Variants in NOTCH2 observed in about 807,000 individuals in gnomAD.
NOTCH2 encodes the protein neurogenic locus notch homolog protein 2.
NOTCH2 carries 29 observed loss-of-function variants against 235.8 expected under a neutral mutation model. The observed-to-expected ratio is 0.12, with a 90% CI of 0.09 to 0.17. The LOEUF (loss-of-function observed/expected upper bound fraction) is 0.17. Ranked by LOEUF, NOTCH2 falls within the 10% of genes least tolerant of loss-of-function variation. The pLI is 1.00. For synonymous variants in NOTCH2, 1,086 were observed against 1,141.5 expected (o/e 0.95, Z 0.98); for missense variants, 2,285 against 3,150.2 (o/e 0.73, Z 6.57).
intron 17 of NOTCH2, among the ~76,000 whole-genome samples, chr1:119,943,541 A>C (rs1553196716): frequency 1.3e-5 from 2 of 152,192 alleles, no homozygotes; most frequent in Non-Finnish European, 2.9e-5. Flanking sequence ...TTGAAGTAAG[A>C]CTCTGAAGGA....
At chr1:119,982,373 T>A (rs782261525) in intron 5 of NOTCH2, among the ~76,000 whole-genome samples, 2 of 152,214 alleles carry the variant, frequency 1.3e-5, no homozygotes, top group Non-Finnish European at 2.9e-5. Context: ...GCCCCAGAAG[T>A]GAGCCCAAAG....
At chr1:119,986,888 T>C (rs1553202280) in intron 5 of NOTCH2, 72 bp downstream of exon 5, 1 of 1,604,758 alleles carries the variant, frequency 6.2e-7, no homozygotes, top group Non-Finnish European at 8.5e-7. Flanking sequence ...GTTACTGATA[T>C]TTTAAAAAAA....
At position 119,935,562 on chromosome 1, in the gene NOTCH2, C is replaced by T. The variant is rs185917176; in HGVS notation, c.3565G>A (p.Asp1189Asn). 14 of 1,614,168 alleles carry T rather than the reference C, an allele frequency of 8.7e-6. No homozygotes were observed. In the East Asian group the frequency reaches 2.9e-4, roughly 33 times the overall value. Reference protein sequence around the residue: ...YQGVNCEYEVDECQNQPCQNG... With the variant: ...YQGVNCEYEVNECQNQPCQNG... Reference sequence around the variant, plus strand: ...TGGCAGGGCTGATTCTGGCACTCATCCACTTCATACTCACAGTTGACACCC... The same window carrying T: ...TGGCAGGGCTGATTCTGGCACTCATTCACTTCATACTCACAGTTGACACCC... Residue 1189 changes from aspartate to asparagine, a missense_variant, in exon 22 of 34, where the codon GAT becomes AAT. By Grantham distance (23) the Asp-to-Asn change is conservative (BLOSUM62 1). Coordinates refer to ENST00000256646, the MANE Select transcript of NOTCH2 (RefSeq NM_024408.4).
At chr1:120,007,036 G>T (rs763768864) in intron 2 of NOTCH2, among the ~76,000 whole-genome samples, 46 of 152,190 alleles carry the variant, frequency 3.0e-4, no homozygotes, top group Non-Finnish European at 5.9e-4. Context: ...TGGTAGTGAG[G>T]TAACTGGCCA....
At chr1:120,045,820 T>C (rs1482827385) in intron 1 of NOTCH2, among the ~76,000 whole-genome samples, 11 of 152,394 alleles carry the variant, frequency 7.2e-5, no homozygotes, top group Non-Finnish European at 1.2e-4. Context: ...TCTTAGACAT[T>C]AAACTCTTCA....
At chr1:119,949,699 G>A (rs974445289) in intron 15 of NOTCH2, among the ~76,000 whole-genome samples, 6 of 151,934 alleles carry the variant, frequency 3.9e-5, no homozygotes, top group Non-Finnish European at 8.8e-5. Context: ...ATTTCTTCTA[G>A]AGGGGAAAAA....
Position 119,925,567 on chromosome 1 carries a change from G to A in NOTCH2, c.4249C>T (p.Pro1417Ser), listed in dbSNP as rs369304708. Reference sequence around the variant, plus strand: ...CAGGTGGCAGGAGGGGTGCTGGGGGGTGCCGTGTAGAGTTCACAGCGGCTA... The same window carrying A: ...CAGGTGGCAGGAGGGGTGCTGGGGGATGCCGTGTAGAGTTCACAGCGGCTA... The part of the protein sequence containing the change: ...SGSRCELYTA[P>S]PSTPPATCLS... Residue 1417 changes from proline to serine, a missense_variant, in exon 25 of 34, where the codon CCC becomes TCC. Physicochemically the swap from Pro to Ser is moderately conservative, Grantham distance 74. This residue lies in a region of NOTCH2 where 1,173 missense variants were observed against 1,515.3 expected (regional missense o/e 0.77). Coordinates refer to ENST00000256646, the MANE Select transcript of NOTCH2 (RefSeq NM_024408.4). The A allele has an allele frequency of 5.6e-6, 9 of 1,614,018 alleles. No individual in the cohort carries two copies. Among genetic ancestry groups the A allele is most frequent in the Non-Finnish European group, 5.1e-6 (6 of 1,180,038 alleles).
At chr1:119,973,377 G>A (rs587613242) in intron 5 of NOTCH2, among the ~76,000 whole-genome samples, 3 of 152,040 alleles carry the variant, frequency 2.0e-5, no homozygotes, top group Admixed American at 6.5e-5. Context: ...CTCCCTTCAC[G>A]TCACCACCCT....
chr1:119,955,213 G>T lies in NOTCH2; in HGVS notation c.2046C>A (p.Asp682Glu). The change falls in exon 13 of 34, where the codon GAC becomes GAA. Residue 682 changes from aspartate (D) to glutamate (E), a missense_variant. Asp to Glu is a conservative substitution (Grantham distance 45, BLOSUM62 2). Around this residue, in one of 6 missense-constraint regions of NOTCH2, gnomAD observed 1,173 missense variants for 1,515.3 expected, o/e 0.77. Transcript: ENST00000256646. ...PGFTGQRCNI[D>E]IDECASNPCR... is the part of the protein sequence containing the mutation. ...AGGGATTGGAGGCACACTCATCAAT[G>T]TCAATGTTACATCTCTGCCCTGTGG... is the stretch of plus-strand genomic sequence containing the variant. 1.2e-6 allele frequency: 2 copies of T among 1,614,084 alleles called. No individual in the cohort carries two copies. The highest frequency in any genetic ancestry group is 1.7e-6 in the Non-Finnish European group (2 of 1,179,962).
intron 22 of NOTCH2, among the ~76,000 whole-genome samples, chr1:119,933,603 A>C (rs587696596): frequency 1.3e-5 from 2 of 152,334 alleles, no homozygotes; most frequent in East Asian, 3.9e-4. Context: ...AACCATGGAT[A>C]TCAGAAAGCA....
chr1:119,995,721 T>TAATATA (rs1652416837), intron 4 of NOTCH2: 25 of 152,244 alleles, frequency 1.6e-4, no homozygotes, highest in Admixed American at 1.6e-3. Flanking sequence ...AGCTTGTTCT[T>TAATATA]GTGACTTAAA....
chr1:119,946,020 T>C (rs1466443679), intron 17 of NOTCH2, among the ~76,000 whole-genome samples: 3 of 152,068 alleles, frequency 2.0e-5, no homozygotes, highest in African/African-American at 2.4e-5. Flanking sequence ...ACAGATCTAA[T>C]AGACTATTAA....
At chr1:120,014,991 CTTTT>C (rs60671945) in intron 2 of NOTCH2, among the ~76,000 whole-genome samples, 55 of 126,392 alleles carry the variant, frequency 4.4e-4, no homozygotes, top group African/African-American at 1.2e-3. Context: ...CTGTCTTTAG[CTTTT>C]TTTTTTTTTT....
chr1:119,999,646 C>A (rs1652629416), intron 3 of NOTCH2, among the ~76,000 whole-genome samples: 2 of 151,886 alleles, frequency 1.3e-5, no homozygotes, highest in Non-Finnish European at 1.5e-5. Context: ...CTTTGGGAGG[C>A]TGAGGTGGGC....
At chr1:119,977,690 C>T (rs1361579768) in intron 5 of NOTCH2, among the ~76,000 whole-genome samples, 3 of 152,166 alleles carry the variant, frequency 2.0e-5, no homozygotes, top group African/African-American at 7.2e-5. Flanking sequence ...CTATAGTCTT[C>T]ATATATAATT....
In NOTCH2 at chr1:119,968,081, G is replaced by A; in HGVS notation, c.1260C>T (p.Ala420=). ...GAAAAAGTTCTGCTTACTCACCCAT[G>A]GCACATTCATCCACATCTTCTGTGC... is the stretch of plus-strand genomic sequence containing the variant. The part of the protein sequence containing the change: ...ADCTEDVDEC[A]MANSNPCEHA... Residue 420 remains alanine (A), a synonymous_variant, in exon 7 of 34, where the codon GCC becomes GCT. Coordinates refer to ENST00000256646, the MANE Select transcript of NOTCH2 (RefSeq NM_024408.4). 1.2e-6 allele frequency: 2 copies of A among 1,614,002 alleles called. No homozygotes were observed. The highest frequency in any genetic ancestry group is 1.7e-5 in the Admixed American group (1 of 60,022).
intron 21 of NOTCH2, among the ~76,000 whole-genome samples, chr1:119,935,975 T>G (rs1410407023): frequency 1.3e-5 from 2 of 152,164 alleles, no homozygotes; most frequent in African/African-American, 4.8e-5. Context: ...TATGACTCGG[T>G]CAAAAGGCAT....
At chr1:120,000,732 A>G (rs369205501) in intron 3 of NOTCH2, among the ~76,000 whole-genome samples, 4 of 150,048 alleles carry the variant, frequency 2.7e-5, no homozygotes, top group South Asian at 2.1e-4. Flanking sequence ...TTTGCCTCCT[A>G]ATAGCAAAAC....
At chr1:119,974,514 G>A (rs1651487308) in intron 5 of NOTCH2, among the ~76,000 whole-genome samples, 1 of 152,172 alleles carries the variant, frequency 6.6e-6, no homozygotes, top group Non-Finnish European at 1.5e-5. Flanking sequence ...TAAACACTGA[G>A]TGCCACCTGT....
Sources: gnomAD v4.1 joint callset for allele counts (sites outside exome capture counted in the v4.1 genomes callset) on GRCh38, gnomAD v4.1.1 for gene constraint, gnomAD v4.1.1 regional missense constraint, MANE v1.5 for transcripts, NCBI Gene and HGNC (gene_info 2026-07-23, HGNC 2026-07-21) for gene names.